Variants in BMP1 observed in about 807,000 individuals in gnomAD.
BMP1 encodes the protein bone morphogenetic protein 1.
In BMP1, 63 loss-of-function variants were observed where a neutral mutation model predicts 116.8. The ratio of observed to expected loss-of-function variants is 0.54; its 90% CI spans 0.44 to 0.67. The LOEUF (loss-of-function observed/expected upper bound fraction) is 0.67. BMP1 is among the 30% of genes least tolerant of loss of function. The probability of loss-of-function intolerance (pLI) is 0.00; values close to 1 mark genes in which losing one functional copy is unlikely to be tolerated. For synonymous variants in BMP1, 536 were observed against 533.4 expected (o/e 1.00, Z -0.07); for missense variants, 1,183 against 1,358.9 (o/e 0.87, Z 2.04).
chr8:22,167,909 T>C (rs901185100), intron 1 of BMP1, among the ~76,000 whole-genome samples: 5 of 152,136 alleles, frequency 3.3e-5, no homozygotes, highest in African/African-American at 9.7e-5. Context: ...TTCTCCACGT[T>C]TCCTTCTCCT....
At position 22,212,032 on chromosome 8, in the gene BMP1, ACC is replaced by A; in HGVS notation, c.*307_*308del. ...GGTGGCAAGAGGGAATGTCAGCAGG[ACC>A]CCATCGCCATCCCTGTGTCTCTACA... On this transcript the variant is annotated 3_prime_UTR_variant, in exon 20 of 20. Coordinates refer to ENST00000306385, the MANE Select transcript of BMP1 (RefSeq NM_006129.5). The A allele has an allele frequency of 6.9e-6, 3 of 432,838 alleles. No homozygotes were observed. Among genetic ancestry groups the A allele is most frequent in the Non-Finnish European group, 8.5e-6 (2 of 234,050 alleles). The allele number at this position is 432,838 out of a possible 1,614,324, so 26.8% of individuals were successfully genotyped here.
chr8:22,196,716 C>T lies in BMP1; in HGVS notation c.1802C>T (p.Ser601Phe). 1.2e-6 allele frequency: 2 copies of T among 1,614,146 alleles called. No individual in the cohort carries two copies. Among genetic ancestry groups the T allele is most frequent in the Non-Finnish European group, 1.7e-6 (2 of 1,180,028 alleles). ...CGGFLTKLNGSITSPGWPKEY... is the reference protein window; with the variant it reads ...CGGFLTKLNGFITSPGWPKEY... ...GGATTCCTCACCAAGCTCAACGGCT[C>T]CATCACCAGCCCGGGCTGGCCCAAG... Residue 601 changes from serine to phenylalanine, a missense_variant, in exon 14 of 20, where the codon TCC (serine) becomes TTC (phenylalanine). Physicochemically the swap from Ser to Phe is radical, Grantham distance 155 (BLOSUM62 -2). This residue lies in a region of BMP1 where 956 missense variants were observed against 1,135.2 expected (regional missense o/e 0.84). Transcript: ENST00000306385.
At chr8:22,174,165 C>T (rs1390070677) in intron 2 of BMP1, among the ~76,000 whole-genome samples, 1 of 152,220 alleles carries the variant, frequency 6.6e-6, no homozygotes, top group Non-Finnish European at 1.5e-5. Context: ...CCCTCCTGGG[C>T]TCTCTGTTCC....
chr8:22,186,693 C>G (rs1411273946), intron 8 of BMP1, among the ~76,000 whole-genome samples: 1 of 151,850 alleles, frequency 6.6e-6, no homozygotes, highest in Admixed American at 6.6e-5. Flanking sequence ...TCTTGAACTC[C>G]TGACCTCAGG....
chr8:22,177,258 C>A (rs956084756), intron 5 of BMP1, 119 bp downstream of exon 5: 1 of 1,091,030 alleles, frequency 9.2e-7, no homozygotes, highest in Non-Finnish European at 1.3e-6. Flanking sequence ...GGGCCCGCAG[C>A]GCTGCCCACA....
chr8:22,166,321 A>T (rs572968299), intron 1 of BMP1, among the ~76,000 whole-genome samples: 5 of 151,906 alleles, frequency 3.3e-5, no homozygotes, highest in Non-Finnish European at 7.4e-5. Flanking sequence ...GTCACCCCCG[A>T]GACACCAGAG....
rs763947051 is a variant in BMP1, at chr8:22,180,340, C to T, written c.962-28C>T. 28 of 1,582,240 alleles carry T rather than the reference C, an allele frequency of 1.8e-5. 2 individuals are homozygous for T. The South Asian group carries it at 3.1e-4, about 17-fold the overall frequency. On this transcript the variant is annotated intron_variant, in intron 7 of 19. Coordinates refer to ENST00000306385, the MANE Select transcript of BMP1 (RefSeq NM_006129.5). ...GATGGGGGGATTTGGCGCCTGCAGCCCTGCCCTGTCATTTCCTTTCCTCAC... is the reference window on the plus strand; with the variant it reads ...GATGGGGGGATTTGGCGCCTGCAGCTCTGCCCTGTCATTTCCTTTCCTCAC...
chr8:22,205,750 G>A (rs1829341369), intron 16 of BMP1, among the ~76,000 whole-genome samples: 1 of 152,172 alleles, frequency 6.6e-6, no homozygotes. Flanking sequence ...ACTCCAGCCT[G>A]GGTAGCAAAG....
chr8:22,200,702 T>C (rs1015426997), intron 15 of BMP1, among the ~76,000 whole-genome samples: 9 of 152,216 alleles, frequency 5.9e-5, no homozygotes, highest in African/African-American at 2.2e-4. Context: ...TGCGAGTGCG[T>C]GTGTCTGTCT....
intron 19 of BMP1, among the ~76,000 whole-genome samples, chr8:22,209,980 A>G (rs1277264305): frequency 6.6e-6 from 1 of 152,230 alleles, no homozygotes; most frequent in Non-Finnish European, 1.5e-5. Flanking sequence ...CACGGCCTGG[A>G]GCGGATGGAG....
chr8:22,207,206 C>T, intron 17 of BMP1, 97 bp from the exon 18 acceptor site: 3 of 1,437,728 alleles, frequency 2.1e-6, no homozygotes, highest in Non-Finnish European at 2.9e-6. Context: ...TGGCTGCTCC[C>T]ATGGGTATCT....
At chr8:22,207,057 T>A in intron 17 of BMP1, 76 bp downstream of exon 17, 2 of 1,577,360 alleles carry the variant, frequency 1.3e-6, no homozygotes, top group Non-Finnish European at 1.7e-6. Flanking sequence ...CCACACAGGC[T>A]GCAGGCTGAG....
intron 8 of BMP1, among the ~76,000 whole-genome samples, chr8:22,190,712 C>T (rs1477162831): frequency 6.6e-6 from 1 of 152,198 alleles, no homozygotes; most frequent in Non-Finnish European, 1.5e-5. Flanking sequence ...GAGCTCCTCC[C>T]CGACTAGCAT....
chr8:22,210,466 T>TCACACACA (rs1224107610), intron 19 of BMP1, among the ~76,000 whole-genome samples: 4 of 101,116 alleles, frequency 4.0e-5, no homozygotes, highest in African/African-American at 1.2e-4. Flanking sequence ...TCTCTCTCTC[T>TCACACACA]CTCACACACA....
intron 7 of BMP1, 97 bp from the exon 8 acceptor site, chr8:22,180,271 C>T (rs1828576591): frequency 6.2e-6 from 6 of 963,418 alleles, no homozygotes; most frequent in Non-Finnish European, 9.9e-6. Flanking sequence ...GGCATTCTCC[C>T]CTCCCCCAGA....
chr8:22,198,893 C>A, intron 15 of BMP1: 1 of 1,135,174 alleles, frequency 8.8e-7, no homozygotes, highest in Non-Finnish European at 1.1e-6. Flanking sequence ...CTTCCCTGTG[C>A]CCACCTGGGA....
At chr8:22,193,389 G>T (rs1307514683) in intron 9 of BMP1, among the ~76,000 whole-genome samples, 1 of 152,054 alleles carries the variant, frequency 6.6e-6, no homozygotes, top group Non-Finnish European at 1.5e-5. Context: ...TTTCTTATTT[G>T]GTCTCTTCTT....
chr8:22,188,931 C>G (rs573375569), intron 8 of BMP1, among the ~76,000 whole-genome samples: 1 of 152,200 alleles, frequency 6.6e-6, no homozygotes, highest in Non-Finnish European at 1.5e-5. Context: ...AGGAAGGCCA[C>G]GTGGAGGAGT....
intron 8 of BMP1, among the ~76,000 whole-genome samples, chr8:22,188,492 C>T (rs1828841747): frequency 6.6e-6 from 1 of 152,212 alleles, no homozygotes; most frequent in Admixed American, 6.5e-5. Flanking sequence ...CAGACAAAAA[C>T]ACTGAGCCTT....
Sources: gnomAD v4.1 joint callset for allele counts (sites outside exome capture counted in the v4.1 genomes callset) on GRCh38, gnomAD v4.1.1 for gene constraint, gnomAD v4.1.1 regional missense constraint, MANE v1.5 for transcripts, NCBI Gene and HGNC (gene_info 2026-07-23, HGNC 2026-07-21) for gene names.